Variants in NFE2L3 observed in about 807,000 individuals in gnomAD.
NFE2L3 encodes nuclear factor erythroid 2-related factor 3.
A neutral mutation model predicts 23.5 loss-of-function variants in NFE2L3; 18 were observed. That is an observed-to-expected ratio of 0.77 (90% CI 0.53 to 1.13). The LOEUF (loss-of-function observed/expected upper bound fraction) is 1.13. NFE2L3 is among the 50% of genes most tolerant of loss of function. The probability of loss-of-function intolerance (pLI) is 0.00; values close to 1 mark genes in which losing one functional copy is unlikely to be tolerated. For missense variants in NFE2L3, 1,152 were observed against 877.2 expected (o/e 1.31, Z -3.96); for synonymous variants, 424 against 354.5 (o/e 1.20, Z -2.20).
rs1198751887 is a variant in NFE2L3 at position 26,187,097 on chromosome 7, T to G, written c.*1314T>G. 6.6e-6 allele frequency: 1 copy of G among 152,216 alleles called. No individual in the cohort carries two copies. The highest frequency in any genetic ancestry group is 1.5e-5 in the Non-Finnish European group (1 of 68,032). 9.4% of individuals were successfully genotyped at this position (152,216 alleles called of 1,614,324 possible). A position where few individuals can be genotyped will look rare whatever the true frequency, so the allele number is the denominator to read the frequency against. On this transcript the variant is annotated 3_prime_UTR_variant, in exon 4 of 4. Coordinates refer to ENST00000056233, the MANE Select transcript of NFE2L3 (RefSeq NM_004289.7). Reference sequence around the variant, plus strand: ...TGCAGTTTATATATACCGTTGGATTTTTATAATAAAGTTTCCCAAGACCTG... The same window carrying G: ...TGCAGTTTATATATACCGTTGGATTGTTATAATAAAGTTTCCCAAGACCTG...
rs1325601518 is a variant in NFE2L3 at position 26,185,637 on chromosome 7, A to T, written c.1939A>T (p.Ser647Cys). 3 of 1,613,946 alleles carry T rather than the reference A, an allele frequency of 1.9e-6. No individual in the cohort carries two copies. The highest frequency in any genetic ancestry group is 2.5e-6 in the Non-Finnish European group (3 of 1,179,834). ...GCATGACCTTTATCATGATATTTTT[A>T]GTAGATTAAGAGATGACCAAGGTAG... ...KLHDLYHDIFSRLRDDQGRPV... is the reference protein window; with the variant it reads ...KLHDLYHDIFCRLRDDQGRPV... The change falls in exon 4 of 4, where the codon AGT (serine) becomes TGT (cysteine). Residue 647 changes from serine to cysteine, a missense_variant. Coordinates refer to ENST00000056233, the MANE Select transcript of NFE2L3 (RefSeq NM_004289.7).
At chr7:26,184,458 G>A in intron 3 of NFE2L3, 75 bp from the exon 4 acceptor site, 1 of 1,369,482 alleles carries the variant, frequency 7.3e-7, no homozygotes, top group Non-Finnish European at 1.0e-6. Context: ...AGAGGGGAAA[G>A]AAAGTTGTTA....
intron 1 of NFE2L3, among the ~76,000 whole-genome samples, chr7:26,175,853 C>CTTTTTTTTTTTTTTTTT (rs70943276): frequency 9.0e-6 from 1 of 111,646 alleles, no homozygotes; most frequent in Non-Finnish European, 1.9e-5. Context: ...ATTTTCTTTT[C>CTTTTTTTTTTTTTTTTT]TTTTTTTTTT....
Position 26,184,734 on chromosome 7 carries a change from A to G in NFE2L3, c.1036A>G (p.Asn346Asp), listed in dbSNP as rs1355084996. The G allele has an allele frequency of 6.2e-7, 1 of 1,613,946 alleles. No homozygotes were observed. The highest frequency in any genetic ancestry group is 8.5e-7 in the Non-Finnish European group (1 of 1,179,862). ...GTCACAAGAACCATTTCTGCAGTTA[A>G]ATTCTCATACCACCAATCCTGAGCA... ...SQSQEPFLQL[N>D]SHTTNPEQTL... The change falls in exon 4 of 4, where the codon AAT (asparagine) becomes GAT (aspartate). Residue 346 changes from asparagine (N) to aspartate (D), a missense_variant. Coordinates refer to ENST00000056233, the MANE Select transcript of NFE2L3 (RefSeq NM_004289.7).
chr7:26,164,688 T>A (rs1784220931), intron 1 of NFE2L3, among the ~76,000 whole-genome samples: 1 of 152,212 alleles, frequency 6.6e-6, no homozygotes, highest in African/African-American at 2.4e-5. Flanking sequence ...AATTCTGGCT[T>A]TTGAGCCATT....
chr7:26,173,769 C>G (rs1784359205), intron 1 of NFE2L3: 1 of 152,254 alleles, frequency 6.6e-6, no homozygotes, highest in South Asian at 2.1e-4. Context: ...TAGCAAGGGT[C>G]TGTTATGTGC....
At chr7:26,162,711 ATTTC>A (rs1392600950) in intron 1 of NFE2L3, among the ~76,000 whole-genome samples, 1 of 148,606 alleles carries the variant, frequency 6.7e-6, no homozygotes, top group Non-Finnish European at 1.5e-5. Context: ...AGTTTAGACT[ATTTC>A]TTTTTTTTTT....
At chr7:26,180,744 A>G (rs1784492278) in intron 2 of NFE2L3, among the ~76,000 whole-genome samples, 1 of 152,224 alleles carries the variant, frequency 6.6e-6, no homozygotes, top group Admixed American at 6.5e-5. Context: ...GCACTTACTA[A>G]ATATTAATGA....
rs767756021 is a variant in NFE2L3 at position 26,185,706 on chromosome 7, G to T, written c.2008G>T (p.Gly670Ter). The change falls in exon 4 of 4, where the codon GGA becomes TGA. Residue 670 changes from glycine to a stop codon, truncating the protein, a stop_gained. Transcript: ENST00000056233. LOFTEE classifies it high-confidence loss of function. ...CTATGCTCTCCAGTGTACCCATGATGGAAGTATCTTGATAGTACCCAAAGA... is the reference window on the plus strand; with the variant it reads ...CTATGCTCTCCAGTGTACCCATGATTGAAGTATCTTGATAGTACCCAAAGA... ...NHYALQCTHD[G>*]SILIVPKELV... The T allele has an allele frequency of 1.4e-5, 23 of 1,613,572 alleles. No individual in the cohort carries two copies. Among genetic ancestry groups the T allele is most frequent in the Non-Finnish European group, 1.9e-5 (23 of 1,179,738 alleles).
At chr7:26,172,204 G>A (rs1421748761) in intron 1 of NFE2L3, among the ~76,000 whole-genome samples, 1 of 152,200 alleles carries the variant, frequency 6.6e-6, no homozygotes, top group Non-Finnish European at 1.5e-5. Flanking sequence ...AGAAATTCTG[G>A]GCTAACCCTT....
chr7:26,184,712 A>G lies in NFE2L3; in HGVS notation c.1014A>G (p.Ser338=), dbSNP rs751524419. Residue 338 remains serine, a synonymous_variant, in exon 4 of 4, where the codon TCA becomes TCG. Coordinates refer to ENST00000056233, the MANE Select transcript of NFE2L3 (RefSeq NM_004289.7). Reference sequence around the variant, plus strand: ...ATCCAACAGCAAGGACTTCACAGTCACAAGAACCATTTCTGCAGTTAAATT... The same window carrying G: ...ATCCAACAGCAAGGACTTCACAGTCGCAAGAACCATTTCTGCAGTTAAATT... ...RRDPTARTSQ[S]QEPFLQLNSH... 1.2e-5 allele frequency: 20 copies of G among 1,613,820 alleles called. No homozygotes were observed. In the Middle Eastern group the frequency reaches 4.9e-4, roughly 40 times the overall value.
Position 26,185,577 on chromosome 7 carries a change from T to C in NFE2L3, c.1879T>C (p.Cys627Arg). The change falls in exon 4 of 4, where the codon TGT becomes CGT. Residue 627 changes from cysteine (C) to arginine (R), a missense_variant. Physicochemically the swap from Cys to Arg is radical, Grantham distance 180. Coordinates refer to ENST00000056233, the MANE Select transcript of NFE2L3 (RefSeq NM_004289.7). ...AACTCTTAAGAGAGAGCAAGCACAA[T>C]GTAACAAAGCTATTAACATAATGAA... is the stretch of plus-strand genomic sequence containing the variant. ...KETLKREQAQCNKAINIMKQK... is the reference protein window; with the variant it reads ...KETLKREQAQRNKAINIMKQK... 7 of 1,613,832 alleles carry C rather than the reference T, an allele frequency of 4.3e-6. No homozygotes were observed. The highest frequency in any genetic ancestry group is 2.2e-5 in the South Asian group (2 of 91,040).
At chr7:26,155,521 A>G (rs1435932264) in intron 1 of NFE2L3, among the ~76,000 whole-genome samples, 1 of 152,212 alleles carries the variant, frequency 6.6e-6, no homozygotes, top group East Asian at 1.9e-4. Context: ...GTCAGTGCCA[A>G]AAGAGAGACC....
chr7:26,178,586 C>T (rs796665949), intron 2 of NFE2L3, among the ~76,000 whole-genome samples: 2 of 152,294 alleles, frequency 1.3e-5, no homozygotes, highest in African/African-American at 2.4e-5. Context: ...CTGGCTGAAC[C>T]GTTGGGCATC....
intron 1 of NFE2L3, among the ~76,000 whole-genome samples, chr7:26,153,562 T>A (rs1017294600): frequency 6.6e-6 from 1 of 152,214 alleles, no homozygotes; most frequent in Non-Finnish European, 1.5e-5. Context: ...GCTGCTTCCC[T>A]GGATTAAGGA....
Position 26,163,337 on chromosome 7 carries a change from T to G in NFE2L3, c.570+10269T>G, listed in dbSNP as rs1784200425. On this transcript the variant is annotated intron_variant, in intron 1 of 3. Coordinates refer to ENST00000056233, the MANE Select transcript of NFE2L3 (RefSeq NM_004289.7). Reference sequence around the variant, plus strand: ...ATGCCGTTAGCACACCTAAAAGAAATTCCCAAGGATTCTTTTTTGTTTTTT... The same window carrying G: ...ATGCCGTTAGCACACCTAAAAGAAAGTCCCAAGGATTCTTTTTTGTTTTTT... Among the ~76,000 whole-genome samples, 3 of 152,130 alleles carry G rather than the reference T, an allele frequency of 2.0e-5. No individual in the cohort carries two copies. In the South Asian group the frequency reaches 6.2e-4, roughly 31 times the overall value.
chr7:26,168,257 C>T (rs990460195), intron 1 of NFE2L3, among the ~76,000 whole-genome samples: 2 of 151,690 alleles, frequency 1.3e-5, no homozygotes, highest in African/African-American at 4.9e-5. Flanking sequence ...CTGCCTCAGC[C>T]TCCCAAGTAG....
At chr7:26,175,853 C>CTTTTTTTTTTTTTTTT (rs70943276) in intron 1 of NFE2L3, among the ~76,000 whole-genome samples, 2 of 111,644 alleles carry the variant, frequency 1.8e-5, no homozygotes, top group Non-Finnish European at 3.7e-5. Context: ...ATTTTCTTTT[C>CTTTTTTTTTTTTTTTT]TTTTTTTTTT....
chr7:26,153,853 C>T lies in NFE2L3; in HGVS notation c.570+785C>T, dbSNP rs973207945. On this transcript the variant is annotated intron_variant, in intron 1 of 3. Transcript: ENST00000056233. ...GGAACGTTTGAGTTCAGTCTAATGA[C>T]ACTTTAACACCAGTTTCCACAAAAC... is the stretch of plus-strand genomic sequence containing the variant. Among the ~76,000 whole-genome samples, 7 of 152,344 alleles carry T rather than the reference C, an allele frequency of 4.6e-5. No individual in the cohort carries two copies. In the East Asian group the frequency reaches 1.2e-3, roughly 25 times the overall value.
Sources: gnomAD v4.1 joint callset for allele counts (sites outside exome capture counted in the v4.1 genomes callset) on GRCh38, gnomAD v4.1.1 for gene constraint, MANE v1.5 for transcripts, NCBI Gene and HGNC (gene_info 2026-07-23, HGNC 2026-07-21) for gene names.